SLC4A10: variants seen among roughly 807,000 people sequenced by gnomAD.
SLC4A10 encodes sodium-driven chloride bicarbonate exchanger.
In SLC4A10, 42 loss-of-function variants were observed where a neutral mutation model predicts 137.7. That is an observed-to-expected ratio of 0.30 (90% CI 0.24 to 0.39). SLC4A10 has a LOEUF of 0.39. Ranked by LOEUF, SLC4A10 falls within the 10% of genes least tolerant of loss-of-function variation. The pLI is 1.00. For missense variants in SLC4A10, 925 were observed against 1,355.0 expected, an observed-to-expected ratio of 0.68 and a Z score of 4.98; for synonymous variants, 474 against 464.1, an observed-to-expected ratio of 1.02 and a Z score of -0.27.
Position 161,872,378 on chromosome 2 carries a change from T to C in SLC4A10, c.852T>C (p.Phe284=), listed in dbSNP as rs1293647149. Residue 284 remains phenylalanine, a synonymous_variant, in exon 7 of 27, where the codon TTT becomes TTC. Transcript: ENST00000446997. Reference sequence around the variant, plus strand: ...GCAGAGAAAACAGCACTGTTGACTTTAGCAAGGTGAGCTTTTCTCCCTCTC... The same window carrying C: ...GCAGAGAAAACAGCACTGTTGACTTCAGCAAGGTGAGCTTTTCTCCCTCTC... ...DVSRENSTVD[F]SKGLGGQQKG... is the part of the protein sequence containing the mutation. 7 of 1,612,964 alleles carry C rather than the reference T, an allele frequency of 4.3e-6. No homozygotes were observed. Among genetic ancestry groups the C allele is most frequent in the Non-Finnish European group, 5.9e-6 (7 of 1,179,270 alleles).
At chr2:161,935,031 T>C (rs1424728501) in intron 15 of SLC4A10, among the ~76,000 whole-genome samples, 1 of 152,182 alleles carries the variant, frequency 6.6e-6, no homozygotes, top group Non-Finnish European at 1.5e-5. Flanking sequence ...TGTTTTCTTA[T>C]AGTGGTTTTA....
At chr2:161,880,605 G>A (rs2061706547) in intron 9 of SLC4A10, among the ~76,000 whole-genome samples, 1 of 152,116 alleles carries the variant, frequency 6.6e-6, no homozygotes, top group Admixed American at 6.6e-5. Flanking sequence ...CAAAGGGAAA[G>A]GATGAACTGA....
intron 2 of SLC4A10, among the ~76,000 whole-genome samples, chr2:161,800,548 T>A (rs1262075994): frequency 6.6e-6 from 1 of 151,928 alleles, no homozygotes; most frequent in Non-Finnish European, 1.5e-5. Context: ...TTATTGCCAA[T>A]GAAAAGCCTA....
intron 2 of SLC4A10, among the ~76,000 whole-genome samples, chr2:161,785,258 G>T (rs1405865630): frequency 6.6e-6 from 1 of 151,482 alleles, no homozygotes; most frequent in Non-Finnish European, 1.5e-5. Context: ...TCCAAACAAA[G>T]AAAATCCCAG....
At chr2:161,856,531 A>C (rs559741237) in intron 5 of SLC4A10, among the ~76,000 whole-genome samples, 55 of 152,202 alleles carry the variant, frequency 3.6e-4, no homozygotes, top group Non-Finnish European at 7.1e-4. Context: ...TATAATTTTC[A>C]GAAATATCCA....
At chr2:161,694,848 C>A (rs918296280) in intron 1 of SLC4A10, among the ~76,000 whole-genome samples, 1 of 151,968 alleles carries the variant, frequency 6.6e-6, no homozygotes, top group Non-Finnish European at 1.5e-5. Context: ...AAAATTACTG[C>A]TAGATGTTAA....
At chr2:161,909,110 A>G (rs1380188162) in intron 15 of SLC4A10, among the ~76,000 whole-genome samples, 1 of 148,912 alleles carries the variant, frequency 6.7e-6, no homozygotes, top group Admixed American at 6.7e-5. Flanking sequence ...GAGGGATAGC[A>G]TTAGGAGATA....
At chr2:161,808,532 G>T (rs1237115239) in intron 3 of SLC4A10, among the ~76,000 whole-genome samples, 1 of 152,014 alleles carries the variant, frequency 6.6e-6, no homozygotes, top group Non-Finnish European at 1.5e-5. Context: ...TAGGTAGTGA[G>T]CACAGAGTAT....
chr2:161,624,921 C>T (rs1487919373), intron 1 of SLC4A10, among the ~76,000 whole-genome samples: 1 of 152,074 alleles, frequency 6.6e-6, no homozygotes, highest in African/African-American at 2.4e-5. Context: ...TAAGCCCTTG[C>T]AGAGAAGCCC....
chr2:161,976,632 C>T, intron 24 of SLC4A10, 128 bp from the exon 25 acceptor site: 7 of 491,134 alleles, frequency 1.4e-5, no homozygotes, highest in South Asian at 4.9e-5. Context: ...TGTATTTTAC[C>T]ACAATTTAAA....
chr2:161,891,060 G>C (rs905060303), intron 10 of SLC4A10, among the ~76,000 whole-genome samples: 4 of 152,128 alleles, frequency 2.6e-5, no homozygotes, highest in Admixed American at 6.6e-5. Flanking sequence ...ATGAAGCTTA[G>C]TTTGGCTGGA....
At chr2:161,624,923 G>A (rs761612705) in intron 1 of SLC4A10, among the ~76,000 whole-genome samples, 31 of 152,228 alleles carry the variant, frequency 2.0e-4, no homozygotes, top group Non-Finnish European at 3.7e-4. Context: ...AGCCCTTGCA[G>A]AGAAGCCCCC....
Position 161,976,820 on chromosome 2 carries a change from C to G in SLC4A10, c.3288C>G (p.Asn1096Lys). The change falls in exon 25 of 27, where the codon AAC becomes AAG. Residue 1096 changes from asparagine (N) to lysine (K), a missense_variant. Transcript: ENST00000446997. The part of the protein sequence containing the change: ...DEMSKTALWR[N>K]LLITADNSKD... ...TGTCAAAGACTGCCTTGTGGAGGAA[C>G]CTTCTGATTACTGCCGATAACTCAA... is the stretch of plus-strand genomic sequence containing the variant. 1 of 1,605,814 alleles carries G rather than the reference C, an allele frequency of 6.2e-7. No individual in the cohort carries two copies.
intron 15 of SLC4A10, among the ~76,000 whole-genome samples, chr2:161,939,226 G>A (rs925325045): frequency 2.6e-5 from 4 of 152,002 alleles, no homozygotes; most frequent in African/African-American, 4.8e-5. Flanking sequence ...ACAGGCACTT[G>A]CCACCATGCC....
At chr2:161,754,493 G>A (rs1483280596) in intron 1 of SLC4A10, among the ~76,000 whole-genome samples, 5 of 151,998 alleles carry the variant, frequency 3.3e-5, no homozygotes, top group African/African-American at 1.2e-4. Flanking sequence ...ATGGCTTTTT[G>A]CCCAAAATGT....
intron 10 of SLC4A10, among the ~76,000 whole-genome samples, chr2:161,888,438 T>C (rs1422802099): frequency 6.6e-6 from 1 of 152,202 alleles, no homozygotes; most frequent in African/African-American, 2.4e-5. Flanking sequence ...TGGAATGTTT[T>C]TCCATTTGTT....
intron 15 of SLC4A10, among the ~76,000 whole-genome samples, chr2:161,934,359 A>G (rs547392389): frequency 2.0e-5 from 3 of 151,502 alleles, no homozygotes; most frequent in Admixed American, 1.3e-4. Flanking sequence ...TATACTTTTT[A>G]TCTACATGAG....
chr2:161,838,292 A>AC (rs397871711), intron 3 of SLC4A10, among the ~76,000 whole-genome samples: 3 of 151,634 alleles, frequency 2.0e-5, no homozygotes, highest in Admixed American at 6.6e-5. Context: ...ATAAAAAAAA[A>AC]CCCTTGAATT....
intron 2 of SLC4A10, among the ~76,000 whole-genome samples, chr2:161,774,152 T>TTGTC (rs2052023363): frequency 6.6e-6 from 1 of 151,904 alleles, no homozygotes; most frequent in African/African-American, 2.4e-5. Flanking sequence ...GGATTCTGAG[T>TTGTC]AAAGCAAAAA....
Sources: allele counts gnomAD v4.1 joint callset (sites outside exome capture counted in the v4.1 genomes callset), GRCh38; gene constraint gnomAD v4.1.1; transcripts MANE v1.5; gene names NCBI Gene and HGNC (gene_info 2026-07-23, HGNC 2026-07-21).